The following SSBP3 variants were observed in gnomAD, a reference collection of about 807,000 sequenced individuals.
SSBP3 encodes the protein single stranded DNA binding protein 3.
A neutral mutation model predicts 69.6 loss-of-function variants in SSBP3; 5 were observed. That is an observed-to-expected ratio of 0.07 (90% CI 0.04 to 0.15). SSBP3 has a LOEUF of 0.15. Ranked by LOEUF, SSBP3 falls within the 10% of genes least tolerant of loss-of-function variation. The pLI, the probability that SSBP3 is intolerant of heterozygous loss-of-function variation, is 1.00. For synonymous variants in SSBP3, 196 were observed against 193.4 expected (o/e 1.01, Z -0.11); for missense variants, 312 against 534.0 (o/e 0.58, Z 4.10).
chr1:54,340,449 G>A (rs756428702), intron 4 of SSBP3, among the ~76,000 whole-genome samples: 7 of 152,158 alleles, frequency 4.6e-5, no homozygotes, highest in African/African-American at 7.2e-5. Flanking sequence ...ATCTCCCCAA[G>A]TTGTGGGCAT....
At chr1:54,364,345 T>C (rs1286020196) in intron 4 of SSBP3, among the ~76,000 whole-genome samples, 1 of 152,162 alleles carries the variant, frequency 6.6e-6, no homozygotes, top group Non-Finnish European at 1.5e-5. Flanking sequence ...GCTGCCGTAA[T>C]AGACAGGTTC....
At chr1:54,341,461 G>A (rs1156230948) in intron 4 of SSBP3, among the ~76,000 whole-genome samples, 1 of 152,106 alleles carries the variant, frequency 6.6e-6, no homozygotes, top group Non-Finnish European at 1.5e-5. Context: ...CACCCAAACT[G>A]CATCCATGGG....
chr1:54,372,819 G>A (rs1647156314), intron 4 of SSBP3, among the ~76,000 whole-genome samples: 1 of 152,168 alleles, frequency 6.6e-6, no homozygotes, highest in Non-Finnish European at 1.5e-5. Context: ...AGGCCCCAGG[G>A]GCCAGGCAAT....
chr1:54,230,912 A>G lies in SSBP3; in HGVS notation c.928-2086T>C, dbSNP rs1369257033. On this transcript the variant is annotated intron_variant, in intron 14 of 17. Transcript: ENST00000610401. ...ACCACATTTCATTTATCCATTCATC[A>G]GCAGAAGGAACGTTCAGGTTATTTT... Among the ~76,000 whole-genome samples the G allele has an allele frequency of 2.6e-5, 4 of 152,220 alleles. No homozygotes were observed. The East Asian group carries it at 7.7e-4, about 29-fold the overall frequency.
intron 4 of SSBP3, chr1:54,356,286 G>A (rs911917468): frequency 6.6e-6 from 1 of 152,280 alleles, no homozygotes; most frequent in Non-Finnish European, 1.5e-5. Context: ...GCCAGGGGGA[G>A]GGGTGAAAGT....
chr1:54,346,971 T>A (rs1646700794), intron 4 of SSBP3, among the ~76,000 whole-genome samples: 1 of 151,918 alleles, frequency 6.6e-6, no homozygotes, highest in African/African-American at 2.4e-5. Context: ...CATCCTCCCA[T>A]ATACATTTTA....
intron 4 of SSBP3, among the ~76,000 whole-genome samples, chr1:54,354,856 A>G (rs1250662979): frequency 6.6e-6 from 1 of 152,226 alleles, no homozygotes; most frequent in Non-Finnish European, 1.5e-5. Flanking sequence ...TTCAGAACAC[A>G]TCATCTGTAC....
At chr1:54,312,513 G>A (rs577346522) in intron 4 of SSBP3, among the ~76,000 whole-genome samples, 50 of 152,126 alleles carry the variant, frequency 3.3e-4, no homozygotes, top group African/African-American at 1.1e-3. Context: ...GCTTGAACCC[G>A]GGAGGCAGAG....
intron 4 of SSBP3, among the ~76,000 whole-genome samples, chr1:54,377,058 C>A (rs1486257439): frequency 6.6e-6 from 1 of 152,244 alleles, no homozygotes; most frequent in Non-Finnish European, 1.5e-5. Flanking sequence ...CCAGGACACA[C>A]AGTCCTCAGT....
chr1:54,379,882 C>T (rs2100717201), intron 4 of SSBP3, among the ~76,000 whole-genome samples: 1 of 152,348 alleles, frequency 6.6e-6, no homozygotes, highest in African/African-American at 2.4e-5. Flanking sequence ...CAAGTCCTTC[C>T]CACCCGCCGT....
chr1:54,259,619 T>C (rs537573484), intron 5 of SSBP3, among the ~76,000 whole-genome samples: 33 of 152,368 alleles, frequency 2.2e-4, no homozygotes, highest in East Asian at 1.7e-3. Context: ...AGAGAGGAGC[T>C]GCCTAGGTAG....
chr1:54,349,921 A>C (rs1044808169), intron 4 of SSBP3, among the ~76,000 whole-genome samples: 8 of 152,082 alleles, frequency 5.3e-5, no homozygotes, highest in African/African-American at 1.9e-4. Flanking sequence ...TACATCTCCC[A>C]CCTGGGGTCC....
At chr1:54,306,241 C>T (rs1448970917) in intron 4 of SSBP3, among the ~76,000 whole-genome samples, 1 of 152,132 alleles carries the variant, frequency 6.6e-6, no homozygotes, top group Non-Finnish European at 1.5e-5. Context: ...GGATATTACA[C>T]ACTTGCTAAG....
At chr1:54,240,946 C>T in exon 13 of SSBP3, 1 of 1,610,386 alleles carries the variant, frequency 6.2e-7, no homozygotes, top group Non-Finnish European at 8.5e-7. Context: ...AGGACCGCCA[C>T]CACCAGGGGG....
intron 4 of SSBP3, among the ~76,000 whole-genome samples, chr1:54,342,272 G>C (rs549513586): frequency 5.9e-5 from 9 of 152,292 alleles, no homozygotes; most frequent in African/African-American, 1.9e-4. Flanking sequence ...CTGCCCCCAC[G>C]CCCACTTGTT....
chr1:54,318,439 T>A (rs2100351718), intron 4 of SSBP3, among the ~76,000 whole-genome samples: 1 of 151,696 alleles, frequency 6.6e-6, no homozygotes, highest in Non-Finnish European at 1.5e-5. Context: ...AGGATTAAGT[T>A]TTTTTTTTCT....
intron 4 of SSBP3, among the ~76,000 whole-genome samples, chr1:54,347,560 C>T (rs1180444540): frequency 3.3e-5 from 5 of 152,174 alleles, no homozygotes; most frequent in Admixed American, 3.3e-4. Flanking sequence ...TCCGCAAATG[C>T]TGGCTGAACC....
intron 5 of SSBP3, among the ~76,000 whole-genome samples, chr1:54,262,844 TG>T: frequency 6.6e-6 from 1 of 152,262 alleles, no homozygotes; most frequent in Admixed American, 6.5e-5. Context: ...GACCTCAACA[TG>T]GGGGAAAATC....
At chr1:54,315,485 C>CA (rs1445822839) in intron 4 of SSBP3, among the ~76,000 whole-genome samples, 1 of 149,496 alleles carries the variant, frequency 6.7e-6, no homozygotes, top group Non-Finnish European at 1.5e-5. Flanking sequence ...CTAGAGCAAG[C>CA]AAAAAAAGAG....
Sources: allele counts gnomAD v4.1 joint callset (sites outside exome capture counted in the v4.1 genomes callset), GRCh38; gene constraint gnomAD v4.1.1; transcripts MANE v1.5; gene names NCBI Gene and HGNC (gene_info 2026-07-23, HGNC 2026-07-21).